CNTNAP5: variants seen among roughly 807,000 people sequenced by gnomAD.
CNTNAP5 encodes contactin associated protein family member 5.
In CNTNAP5, 72 loss-of-function variants were observed where a neutral mutation model predicts 150.2. The ratio of observed to expected loss-of-function variants is 0.48; its 90% CI spans 0.40 to 0.58. The LOEUF is 0.58. CNTNAP5 is among the 20% of genes least tolerant of loss of function. CNTNAP5 has a pLI of 0.00. For synonymous variants in CNTNAP5, 672 were observed against 619.8 expected (o/e 1.08, Z -1.25); for missense variants, 1,636 against 1,626.2 (o/e 1.01, Z -0.10).
At chr2:124,514,548 C>T (rs1694662510) in intron 8 of CNTNAP5, among the ~76,000 whole-genome samples, 1 of 152,084 alleles carries the variant, frequency 6.6e-6, no homozygotes, top group South Asian at 2.1e-4. Flanking sequence ...TGTGGTTGAA[C>T]CTGGGAAGGA....
At chr2:124,150,857 C>A (rs548309357) in intron 1 of CNTNAP5, among the ~76,000 whole-genome samples, 1 of 152,050 alleles carries the variant, frequency 6.6e-6, no homozygotes, top group Non-Finnish European at 1.5e-5. Flanking sequence ...ACATTTAGTC[C>A]GTAGTATGGA....
chr2:124,510,275 ATATCTATATCTATATATCTATATATC>A, intron 8 of CNTNAP5, among the ~76,000 whole-genome samples: 1 of 37,554 alleles, frequency 2.7e-5, no homozygotes, highest in Non-Finnish European at 5.0e-5. Flanking sequence ...CTATATATCT[ATATCTATATCTATATATCTATATATC>A]TATATATATA....
At chr2:124,479,733 A>G (rs922765030) in intron 7 of CNTNAP5, among the ~76,000 whole-genome samples, 8 of 152,196 alleles carry the variant, frequency 5.3e-5, no homozygotes, top group African/African-American at 1.9e-4. Flanking sequence ...GGGAAACCCA[A>G]AGGTCTCACT....
chr2:124,040,784 C>A (rs766893760), intron 1 of CNTNAP5, among the ~76,000 whole-genome samples: 8 of 151,974 alleles, frequency 5.3e-5, no homozygotes, highest in Non-Finnish European at 1.0e-4. Flanking sequence ...CTTATTATAA[C>A]TGTTGCATTA....
chr2:124,867,860 C>T (rs978048141), intron 20 of CNTNAP5, among the ~76,000 whole-genome samples: 8 of 152,084 alleles, frequency 5.3e-5, no homozygotes, highest in Admixed American at 2.0e-4. Context: ...TATGAATATC[C>T]GTTAGGCATT....
At chr2:124,642,682 T>C (rs1476032497) in intron 12 of CNTNAP5, among the ~76,000 whole-genome samples, 2 of 152,178 alleles carry the variant, frequency 1.3e-5, no homozygotes, top group African/African-American at 4.8e-5. Flanking sequence ...CTCAGACATT[T>C]GTCATTCTTG....
intron 21 of CNTNAP5, among the ~76,000 whole-genome samples, chr2:124,898,879 T>C (rs1357615682): frequency 1.3e-5 from 2 of 151,528 alleles, no homozygotes; most frequent in Non-Finnish European, 1.5e-5. Context: ...CCTAACAGTA[T>C]GCTTTCATTA....
intron 3 of CNTNAP5, among the ~76,000 whole-genome samples, chr2:124,267,780 G>A (rs1177475025): frequency 2.0e-5 from 3 of 152,168 alleles, no homozygotes; most frequent in South Asian, 4.1e-4. Context: ...CACAGCTTGG[G>A]AGAATTTGGG....
chr2:124,506,763 C>T (rs1694415559), intron 8 of CNTNAP5, among the ~76,000 whole-genome samples: 2 of 152,102 alleles, frequency 1.3e-5, no homozygotes, highest in South Asian at 4.2e-4. Flanking sequence ...GTCTCAGTTT[C>T]TGTGGATCAG....
chr2:124,251,584 T>C (rs1186051137), intron 3 of CNTNAP5, among the ~76,000 whole-genome samples: 2 of 151,908 alleles, frequency 1.3e-5, no homozygotes, highest in African/African-American at 2.4e-5. Context: ...GTATCAAGCA[T>C]CTGTTAGGCA....
At chr2:124,543,678 A>G (rs567341998) in intron 10 of CNTNAP5, among the ~76,000 whole-genome samples, 1 of 152,030 alleles carries the variant, frequency 6.6e-6, no homozygotes. Context: ...AGATTTATTT[A>G]TTTTTTTCTT....
At chr2:124,660,100 A>T (rs918359158) in intron 13 of CNTNAP5, among the ~76,000 whole-genome samples, 1 of 151,200 alleles carries the variant, frequency 6.6e-6, no homozygotes, top group Non-Finnish European at 1.5e-5. Flanking sequence ...GATAGGAAGG[A>T]AGATGGAGAT....
rs138794393 is a variant in CNTNAP5, at chr2:124,810,359, G to C, written c.3217+12039G>C. On this transcript the variant is annotated intron_variant, in intron 19 of 23. Transcript: ENST00000682447. ...CTCCCTCGTGTGGCTGTTGACAGGA[G>C]ATTTCAGGTTCTTGACAGGCTGGTT... 9.2e-5 allele frequency among the ~76,000 whole-genome samples: 14 copies of C among 152,270 alleles called. No individual in the cohort carries two copies. The East Asian group carries it at 2.7e-3, about 29-fold the overall frequency.
chr2:124,889,078 CTTTTTTTTTTTTTTTT>C (rs761790564), intron 21 of CNTNAP5, among the ~76,000 whole-genome samples: 1 of 68,782 alleles, frequency 1.5e-5, no homozygotes, highest in Non-Finnish European at 2.9e-5. Flanking sequence ...TGAGGTCTAG[CTTTTTTTTTTTTTTTT>C]TTTTTTTTTT....
chr2:124,175,395 A>AT (rs1317692537), intron 1 of CNTNAP5, among the ~76,000 whole-genome samples: 1 of 151,998 alleles, frequency 6.6e-6, no homozygotes, highest in Non-Finnish European at 1.5e-5. Context: ...ATTCCTTATA[A>AT]TTTTTTTGCC....
chr2:124,433,105 C>A (rs1266196587), intron 4 of CNTNAP5, among the ~76,000 whole-genome samples: 2 of 152,146 alleles, frequency 1.3e-5, no homozygotes, highest in African/African-American at 2.4e-5. Flanking sequence ...AGTTTAGAAT[C>A]CATTATGTTA....
intron 12 of CNTNAP5, among the ~76,000 whole-genome samples, chr2:124,639,958 T>C (rs1678055140): frequency 6.6e-6 from 1 of 151,996 alleles, no homozygotes; most frequent in Admixed American, 6.6e-5. Flanking sequence ...CTGCAGATAC[T>C]CTTCCCAACA....
At chr2:124,419,263 A>C (rs879777796) in intron 4 of CNTNAP5, among the ~76,000 whole-genome samples, 3 of 150,184 alleles carry the variant, frequency 2.0e-5, no homozygotes, top group Non-Finnish European at 4.4e-5. Flanking sequence ...ACATGTCCTT[A>C]TCCTTTTGCT....
intron 1 of CNTNAP5, among the ~76,000 whole-genome samples, chr2:124,214,717 A>T (rs1686112296): frequency 6.6e-6 from 1 of 152,218 alleles, no homozygotes; most frequent in Non-Finnish European, 1.5e-5. Flanking sequence ...CTTATTTCAA[A>T]AAATGTATGG....
Sources: gnomAD v4.1 joint callset for allele counts (sites outside exome capture counted in the v4.1 genomes callset) on GRCh38, gnomAD v4.1.1 for gene constraint, MANE v1.5 for transcripts, NCBI Gene and HGNC (gene_info 2026-07-23, HGNC 2026-07-21) for gene names.